Variants in CEP112 observed in about 807,000 individuals in gnomAD.
The protein encoded by CEP112 is centrosomal protein of 112 kDa.
In CEP112, 127 loss-of-function variants were observed where a neutral mutation model predicts 153.0. That is an observed-to-expected ratio of 0.83 (90% CI 0.72 to 0.96). The LOEUF (loss-of-function observed/expected upper bound fraction) is 0.96. Ranked by LOEUF, CEP112 falls within the 40% of genes least tolerant of loss-of-function variation. The probability of loss-of-function intolerance (pLI) is 0.00; values close to 1 mark genes in which losing one functional copy is unlikely to be tolerated. For missense variants in CEP112, 1,089 were observed against 1,101.2 expected (o/e 0.99, Z 0.16); for synonymous variants, 358 against 374.4 (o/e 0.96, Z 0.51).
chr17:66,072,973 G>A (rs1366749763), intron 8 of CEP112, among the ~76,000 whole-genome samples: 2 of 152,098 alleles, frequency 1.3e-5, no homozygotes, highest in Non-Finnish European at 2.9e-5. Flanking sequence ...ATATAGATAT[G>A]TACCTATGTG....
intron 6 of CEP112, among the ~76,000 whole-genome samples, chr17:66,121,254 C>T (rs895207353): frequency 1.4e-5 from 2 of 148,104 alleles, no homozygotes; most frequent in South Asian, 4.2e-4. Flanking sequence ...CTAGCCTGGG[C>T]AACATGAGCG....
intron 19 of CEP112, 151 bp downstream of exon 19, chr17:65,927,431 T>C: frequency 1.9e-6 from 1 of 532,588 alleles, no homozygotes; most frequent in Non-Finnish European, 3.2e-6. Flanking sequence ...TTTATAGATT[T>C]TATTGAAACA....
intron 21 of CEP112, among the ~76,000 whole-genome samples, chr17:65,767,722 G>A (rs923460816): frequency 6.6e-6 from 1 of 151,952 alleles, no homozygotes; most frequent in Non-Finnish European, 1.5e-5. Context: ...AAACAAAATA[G>A]ATCATAAGGA....
At chr17:65,956,957 T>A (rs749569195) in intron 18 of CEP112, among the ~76,000 whole-genome samples, 3 of 152,094 alleles carry the variant, frequency 2.0e-5, no homozygotes, top group Non-Finnish European at 2.9e-5. Flanking sequence ...ATAGCTGCAT[T>A]GTATAGGGCA....
intron 6 of CEP112, among the ~76,000 whole-genome samples, chr17:66,126,674 G>C (rs1272381301): frequency 6.6e-6 from 1 of 151,954 alleles, no homozygotes; most frequent in Non-Finnish European, 1.5e-5. Flanking sequence ...TGTATTCCTA[G>C]AAAAAATACT....
At position 66,096,625 on chromosome 17, in the gene CEP112, T is replaced by C; in HGVS notation, c.650A>G (p.Asn217Ser). 6.3e-7 allele frequency: 1 copy of C among 1,582,862 alleles called. No homozygotes were observed. Among genetic ancestry groups the C allele is most frequent in the Non-Finnish European group, 8.6e-7 (1 of 1,157,328 alleles). The change falls in exon 7 of 27, where the codon AAT becomes AGT. Residue 217 changes from asparagine to serine, a missense_variant. Asn to Ser is a conservative substitution (Grantham distance 46). Transcript: ENST00000535342. ...RLNSWNLGIE[N>S]PRYLRQKPIP... Reference sequence around the variant, plus strand: ...AGGCTTCTGTCTCAGGTATCGAGGATTTTCTATCTGAAAATTTAAAAATAA... The same window carrying C: ...AGGCTTCTGTCTCAGGTATCGAGGACTTTCTATCTGAAAATTTAAAAATAA...
At chr17:65,738,139 G>T (rs1176731597) in intron 23 of CEP112, among the ~76,000 whole-genome samples, 1 of 152,174 alleles carries the variant, frequency 6.6e-6, no homozygotes, top group African/African-American at 2.4e-5. Context: ...AATCAATTAA[G>T]AAACAAATCA....
intron 4 of CEP112, among the ~76,000 whole-genome samples, chr17:66,168,153 T>A (rs950528483): frequency 6.6e-6 from 1 of 152,164 alleles, no homozygotes; most frequent in Admixed American, 6.5e-5. Context: ...TAGACACATT[T>A]TTTTTACAAG....
At position 65,923,866 on chromosome 17, in the gene CEP112, G is replaced by A. The variant is rs532423205; in HGVS notation, c.1980+3716C>T. 5.3e-5 allele frequency among the ~76,000 whole-genome samples: 8 copies of A among 152,120 alleles called. No individual in the cohort carries two copies. The East Asian group carries it at 7.7e-4, about 15-fold the overall frequency. ...TAATATACAAAGTGTTCTAAAAAGC[G>A]CTTTATTCCCCTCACCAATATGTCT... On this transcript the variant is annotated intron_variant, in intron 19 of 26. Coordinates refer to ENST00000535342, the MANE Select transcript of CEP112 (RefSeq NM_001199165.4).
chr17:65,661,326 T>C (rs774417366), intron 24 of CEP112, among the ~76,000 whole-genome samples: 6 of 152,220 alleles, frequency 3.9e-5, no homozygotes, highest in Admixed American at 6.5e-5. Context: ...CAGTTACTGA[T>C]TGACACTTAA....
chr17:65,701,487 G>A (rs1020581312), intron 23 of CEP112, among the ~76,000 whole-genome samples: 2 of 152,188 alleles, frequency 1.3e-5, no homozygotes, highest in Non-Finnish European at 2.9e-5. Context: ...GTAAGATCAT[G>A]AGTTCCATTT....
intron 12 of CEP112, among the ~76,000 whole-genome samples, chr17:66,052,407 C>T (rs1346325966): frequency 6.6e-6 from 1 of 152,164 alleles, no homozygotes; most frequent in Non-Finnish European, 1.5e-5. Flanking sequence ...AGTAGCCTTC[C>T]AGCAAAACTG....
At chr17:66,126,497 C>G (rs1327479409) in intron 6 of CEP112, among the ~76,000 whole-genome samples, 2 of 151,964 alleles carry the variant, frequency 1.3e-5, no homozygotes, top group African/African-American at 4.8e-5. Context: ...ACAGCACAAA[C>G]ATTCAGCTTG....
chr17:65,771,256 G>A (rs1221982185), intron 21 of CEP112, among the ~76,000 whole-genome samples: 1 of 152,026 alleles, frequency 6.6e-6, no homozygotes, highest in Non-Finnish European at 1.5e-5. Flanking sequence ...GTGGATTCCA[G>A]AACAAAGAAG....
At chr17:65,783,693 G>A (rs1226184490) in intron 21 of CEP112, among the ~76,000 whole-genome samples, 1 of 152,172 alleles carries the variant, frequency 6.6e-6, no homozygotes, top group Non-Finnish European at 1.5e-5. Context: ...ATGTTTGAAA[G>A]CAATAAGTAT....
chr17:65,759,988 T>C (rs924618909), intron 21 of CEP112, among the ~76,000 whole-genome samples: 7 of 152,200 alleles, frequency 4.6e-5, no homozygotes, highest in South Asian at 4.1e-4. Flanking sequence ...ACAGTTATTA[T>C]AGACGTATAC....
chr17:65,859,735 G>A (rs1165258626), intron 20 of CEP112, among the ~76,000 whole-genome samples: 7 of 150,584 alleles, frequency 4.6e-5, no homozygotes, highest in Admixed American at 4.6e-4. Context: ...TGGGCCAGGT[G>A]CGGTGGCTCA....
chr17:66,143,557 C>A (rs2070793629), intron 4 of CEP112, among the ~76,000 whole-genome samples: 1 of 152,158 alleles, frequency 6.6e-6, no homozygotes, highest in Non-Finnish European at 1.5e-5. Context: ...GAAAGTCTGT[C>A]TCAAAGAAAT....
chr17:65,716,459 C>A (rs1303613411), intron 23 of CEP112, among the ~76,000 whole-genome samples: 1 of 152,100 alleles, frequency 6.6e-6, no homozygotes, highest in African/African-American at 2.4e-5. Context: ...CTGTGCCCAG[C>A]CAGCCCTATG....
Sources: gnomAD v4.1 joint callset for allele counts (sites outside exome capture counted in the v4.1 genomes callset) on GRCh38, gnomAD v4.1.1 for gene constraint, MANE v1.5 for transcripts, NCBI Gene and HGNC (gene_info 2026-07-23, HGNC 2026-07-21) for gene names.